Variants in C1GALT1 observed in about 807,000 individuals in gnomAD.
C1GALT1 encodes the protein glycoprotein-N-acetylgalactosamine 3-beta-galactosyltransferase 1.
Under a neutral mutation model 31.0 loss-of-function variants are expected in C1GALT1, and 11 were observed. That is an observed-to-expected ratio of 0.36 (90% CI 0.22 to 0.59). C1GALT1 has a LOEUF of 0.59. Among genes scored for constraint, C1GALT1 ranks in the 20% least tolerant of loss-of-function variants. C1GALT1 has a pLI of 0.79. For synonymous variants in C1GALT1, 175 were observed against 143.6 expected (o/e 1.22, Z -1.56); for missense variants, 424 against 425.2 (o/e 1.00, Z 0.03).
chr7:7,190,469 T>A (rs1302050951), intron 1 of C1GALT1, among the ~76,000 whole-genome samples: 1 of 152,180 alleles, frequency 6.6e-6, no homozygotes, highest in Non-Finnish European at 1.5e-5. Flanking sequence ...AATAACATAG[T>A]TTCTGACAGT....
intron 1 of C1GALT1, among the ~76,000 whole-genome samples, chr7:7,216,797 A>G (rs1204701583): frequency 6.6e-6 from 1 of 152,226 alleles, no homozygotes; most frequent in African/African-American, 2.4e-5. Context: ...CTAACTTAAA[A>G]GCATAAACTT....
At chr7:7,227,447 G>A (rs945896045) in intron 1 of C1GALT1, among the ~76,000 whole-genome samples, 1 of 152,178 alleles carries the variant, frequency 6.6e-6, no homozygotes, top group Non-Finnish European at 1.5e-5. Context: ...AAGGCCGGGC[G>A]CGGTGGCTCA....
At chr7:7,224,278 T>G (rs1782650734) in intron 1 of C1GALT1, among the ~76,000 whole-genome samples, 1 of 151,914 alleles carries the variant, frequency 6.6e-6, no homozygotes, top group Admixed American at 6.6e-5. Context: ...GTTTTTTTTT[T>G]GTACTGTCTT....
In C1GALT1 at chr7:7,182,744, A is replaced by G; in HGVS notation, c.-94A>G. 2 of 956,554 alleles carry G rather than the reference A, an allele frequency of 2.1e-6. No homozygotes were observed. The highest frequency in any genetic ancestry group is 2.5e-6 in the Non-Finnish European group (2 of 803,610). 59.3% of individuals were successfully genotyped at this position (956,554 alleles called of 1,614,324 possible). A position where few individuals can be genotyped will look rare whatever the true frequency, so the allele number is the denominator to read the frequency against. ...AGCCACTTCTGCGGCTGCCCAGAGA[A>G]GCAAAGGTCACCAGTCCCAAGTCGT... On this transcript the variant is annotated 5_prime_UTR_variant, in exon 1 of 4. Transcript: ENST00000436587.
At chr7:7,229,568 C>G (rs752483638) in intron 1 of C1GALT1, among the ~76,000 whole-genome samples, 1 of 152,136 alleles carries the variant, frequency 6.6e-6, no homozygotes, top group African/African-American at 2.4e-5. Flanking sequence ...CTTGACTAAT[C>G]AGTTCTCTCT....
intron 1 of C1GALT1, among the ~76,000 whole-genome samples, chr7:7,189,158 A>G (rs1297187226): frequency 6.6e-6 from 1 of 152,146 alleles, no homozygotes; most frequent in East Asian, 1.9e-4. Context: ...TTTAACAGCT[A>G]CTACTATTCT....
intron 1 of C1GALT1, among the ~76,000 whole-genome samples, chr7:7,214,143 C>T (rs989363135): frequency 9.2e-5 from 14 of 152,096 alleles, no homozygotes; most frequent in Non-Finnish European, 1.6e-4. Flanking sequence ...TAATTTGATA[C>T]CCCCCAAACT....
Position 7,247,064 on chromosome 7 carries a change from G to A in C1GALT1, c.*3337G>A, listed in dbSNP as rs979716182. On this transcript the variant is annotated 3_prime_UTR_variant, in exon 4 of 4. Coordinates refer to ENST00000436587, the MANE Select transcript of C1GALT1 (RefSeq NM_020156.5). ...CATAATTTATTAAAAACATACATAA[G>A]TGTCATCAAAAAGGTCCACAATTGT... is the stretch of plus-strand genomic sequence containing the variant. 1 of 151,956 alleles carries A rather than the reference G, an allele frequency of 6.6e-6. No individual in the cohort carries two copies. The highest frequency in any genetic ancestry group is 2.4e-5 in the African/African-American group (1 of 41,356). The allele number at this position is 151,956 out of a possible 1,614,324, so 9.4% of individuals were successfully genotyped here. A position where few individuals can be genotyped will look rare whatever the true frequency, so the allele number is the denominator to read the frequency against.
upstream of C1GALT1, among the ~76,000 whole-genome samples, chr7:7,182,287 C>T (rs908895780): frequency 1.3e-5 from 2 of 152,230 alleles, no homozygotes; most frequent in African/African-American, 2.4e-5. Flanking sequence ...CTGCTTTCGT[C>T]CCGCTCAAGG....
chr7:7,202,850 G>T (rs1289706937), intron 1 of C1GALT1, among the ~76,000 whole-genome samples: 1 of 152,058 alleles, frequency 6.6e-6, no homozygotes, highest in Non-Finnish European at 1.5e-5. Flanking sequence ...TTTTCTAATT[G>T]ATGAACATGT....
chr7:7,207,468 G>C (rs80068521), intron 1 of C1GALT1, among the ~76,000 whole-genome samples: 23,796 of 148,600 alleles, frequency 0.16, 2,171 homozygotes, highest in East Asian at 0.37. Context: ...TGCACACTGT[G>C]CCTGGCTCAG....
upstream of C1GALT1, among the ~76,000 whole-genome samples, chr7:7,179,782 T>C (rs1439318380): frequency 6.6e-6 from 1 of 150,828 alleles, no homozygotes; most frequent in Non-Finnish European, 1.5e-5. Flanking sequence ...ACACTATTAA[T>C]AGTGTCTGTG....
intron 1 of C1GALT1, among the ~76,000 whole-genome samples, chr7:7,223,462 C>A (rs914749994): frequency 1.3e-5 from 2 of 152,192 alleles, no homozygotes; most frequent in Non-Finnish European, 2.9e-5. Flanking sequence ...AGTGCCTGGC[C>A]ACACACAGGT....
intron 1 of C1GALT1, among the ~76,000 whole-genome samples, chr7:7,227,719 C>CAAA (rs57031681): frequency 4.2e-5 from 5 of 119,110 alleles, no homozygotes; most frequent in African/African-American, 1.1e-4. Flanking sequence ...GACTCCGTCT[C>CAAA]AAAAAAAAAA....
chr7:7,217,919 C>T (rs568675341), intron 1 of C1GALT1, among the ~76,000 whole-genome samples: 93 of 152,172 alleles, frequency 6.1e-4, no homozygotes, highest in Non-Finnish European at 5.4e-4. Flanking sequence ...CCCTCCCTGC[C>T]GCAAAAAGCT....
intron 3 of C1GALT1, among the ~76,000 whole-genome samples, chr7:7,241,391 C>T (rs1486401725): frequency 6.6e-6 from 1 of 151,916 alleles, no homozygotes; most frequent in Non-Finnish European, 1.5e-5. Context: ...GATTTTGGCC[C>T]AGCACCATAT....
chr7:7,215,840 T>C (rs1247785965), intron 1 of C1GALT1, among the ~76,000 whole-genome samples: 3 of 152,090 alleles, frequency 2.0e-5, no homozygotes, highest in Admixed American at 6.5e-5. Context: ...AGTTAAATTT[T>C]GGAAAGTCTC....
At chr7:7,184,374 G>A (rs1780726805) in intron 1 of C1GALT1, among the ~76,000 whole-genome samples, 2 of 152,046 alleles carry the variant, frequency 1.3e-5, no homozygotes, top group Non-Finnish European at 2.9e-5. Context: ...TCCTACTTAG[G>A]ATTAAGCATT....
At chr7:7,228,375 C>G (rs1016183477) in intron 1 of C1GALT1, among the ~76,000 whole-genome samples, 2 of 152,198 alleles carry the variant, frequency 1.3e-5, no homozygotes, top group Admixed American at 1.3e-4. Flanking sequence ...AAAATATCCT[C>G]AAGCGATTCT....
Sources: gnomAD v4.1 joint callset for allele counts (sites outside exome capture counted in the v4.1 genomes callset) on GRCh38, gnomAD v4.1.1 for gene constraint, MANE v1.5 for transcripts, NCBI Gene and HGNC (gene_info 2026-07-23, HGNC 2026-07-21) for gene names.